SGCD: variants seen among roughly 807,000 people sequenced by gnomAD.
SGCD encodes sarcoglycan delta, also known as delta-sarcoglycan.
In SGCD, 18 loss-of-function variants were observed where a neutral mutation model predicts 36.6. That is an observed-to-expected ratio of 0.49 (90% CI 0.34 to 0.73). SGCD has a LOEUF of 0.73. Ranked by LOEUF, SGCD falls within the 30% of genes least tolerant of loss-of-function variation. The probability of loss-of-function intolerance (pLI) is 0.01; values close to 1 mark genes in which losing one functional copy is unlikely to be tolerated. For missense variants in SGCD, 387 were observed against 346.7 expected (o/e 1.12, Z -0.92); for synonymous variants, 133 against 130.6 (o/e 1.02, Z -0.12).
chr5:156,118,119 G>C (rs1166865665), intron 2 of SGCD, among the ~76,000 whole-genome samples: 1 of 152,134 alleles, frequency 6.6e-6, no homozygotes, highest in African/African-American at 2.4e-5. Flanking sequence ...CAAGTAAGGA[G>C]AGTGTAGTGA....
At chr5:156,151,332 A>G (rs1204333445) in intron 3 of SGCD, among the ~76,000 whole-genome samples, 1 of 151,676 alleles carries the variant, frequency 6.6e-6, no homozygotes, top group Admixed American at 6.6e-5. Context: ...CTGTGGGTAG[A>G]TATTATCTCT....
At chr5:155,767,763 C>A in the SGCD span, among the ~76,000 whole-genome samples, 22 of 152,158 alleles carry the variant, frequency 1.4e-4, no homozygotes, top group Non-Finnish European at 2.8e-4. Context: ...TGCTAGCTTG[C>A]TTCCTACTTT....
At chr5:156,421,606 AG>A (rs147563318) in intron 3 of SGCD, among the ~76,000 whole-genome samples, 1,765 of 152,104 alleles carry the variant, frequency 0.012, 18 homozygotes, top group Non-Finnish European at 0.018. Flanking sequence ...ATTATTTCAG[AG>A]GGGGAGAATG....
intron 4 of SGCD, among the ~76,000 whole-genome samples, chr5:156,541,686 C>T (rs1398232852): frequency 6.6e-6 from 1 of 152,092 alleles, no homozygotes; most frequent in African/African-American, 2.4e-5. Context: ...TTATGGAGAC[C>T]TTAAAGTGTG....
At chr5:156,339,120 A>G (rs759481740) in intron 2 of SGCD, among the ~76,000 whole-genome samples, 12 of 152,086 alleles carry the variant, frequency 7.9e-5, no homozygotes, top group Non-Finnish European at 1.5e-4. Context: ...TTTGACCACT[A>G]TTTAATTAAT....
chr5:155,944,384 G>A (rs887818921), intron 1 of SGCD, among the ~76,000 whole-genome samples: 11 of 152,124 alleles, frequency 7.2e-5, no homozygotes, highest in African/African-American at 2.7e-4. Flanking sequence ...ACAATGACTA[G>A]GCATGTGCTG....
At chr5:156,618,697 G>A (rs1172425250) in intron 6 of SGCD, among the ~76,000 whole-genome samples, 1 of 152,034 alleles carries the variant, frequency 6.6e-6, no homozygotes, top group African/African-American at 2.4e-5. Context: ...AAGCTACAGT[G>A]GTTCGGTTTT....
At chr5:156,496,819 G>T (rs946158695) in intron 3 of SGCD, among the ~76,000 whole-genome samples, 1 of 152,088 alleles carries the variant, frequency 6.6e-6, no homozygotes, top group African/African-American at 2.4e-5. Context: ...AATGGTGACT[G>T]CTTTGTCATC....
intron 6 of SGCD, among the ~76,000 whole-genome samples, chr5:156,640,552 C>G (rs756886512): frequency 1.3e-5 from 2 of 152,192 alleles, no homozygotes; most frequent in Non-Finnish European, 2.9e-5. Context: ...GTGCCATTCA[C>G]ATAATAGGTA....
At chr5:155,976,071 CA>C (rs1758107858) in intron 1 of SGCD, among the ~76,000 whole-genome samples, 1 of 152,020 alleles carries the variant, frequency 6.6e-6, no homozygotes, top group Admixed American at 6.6e-5. Context: ...ACATACAAAA[CA>C]GTACTATATA....
chr5:156,169,118 C>G (rs1442368145), intron 3 of SGCD, among the ~76,000 whole-genome samples: 5 of 152,226 alleles, frequency 3.3e-5, no homozygotes, highest in Admixed American at 3.3e-4. Flanking sequence ...AACATTAAAA[C>G]TAATTGCCCC....
intron 3 of SGCD, among the ~76,000 whole-genome samples, chr5:156,165,804 G>A (rs1457918018): frequency 6.6e-6 from 1 of 152,172 alleles, no homozygotes; most frequent in Non-Finnish European, 1.5e-5. Flanking sequence ...ATTGCTTTTG[G>A]TCTTAAGTAT....
At chr5:156,567,658 A>G (rs1269472479) in intron 4 of SGCD, among the ~76,000 whole-genome samples, 2 of 152,194 alleles carry the variant, frequency 1.3e-5, no homozygotes, top group Admixed American at 6.5e-5. Flanking sequence ...AGAGTCCACT[A>G]CTTTAGATGT....
At chr5:156,232,113 G>A (rs2127651825) in intron 3 of SGCD, among the ~76,000 whole-genome samples, 1 of 152,280 alleles carries the variant, frequency 6.6e-6, no homozygotes, top group Admixed American at 6.5e-5. Context: ...ACAAAGAGGA[G>A]AGCCAACACC....
chr5:155,927,275 C>A (rs1757011521), intron 1 of SGCD, among the ~76,000 whole-genome samples: 1 of 152,074 alleles, frequency 6.6e-6, no homozygotes, highest in Non-Finnish European at 1.5e-5. Context: ...TGAGCTATTA[C>A]CTGTGTTACA....
At chr5:156,282,929 C>T (rs573140107) in intron 3 of SGCD, among the ~76,000 whole-genome samples, 58 of 152,086 alleles carry the variant, frequency 3.8e-4, no homozygotes, top group South Asian at 1.5e-3. Context: ...GTAAAGAAAA[C>T]GCATTTTTGA....
chr5:156,354,396 A>C (rs1244649863), intron 3 of SGCD, among the ~76,000 whole-genome samples: 1 of 152,144 alleles, frequency 6.6e-6, no homozygotes, highest in East Asian at 1.9e-4. Flanking sequence ...GGGAAAGATG[A>C]GAATAGGAGC....
intron 3 of SGCD, among the ~76,000 whole-genome samples, chr5:156,221,527 C>T (rs1764714910): frequency 6.6e-6 from 1 of 151,782 alleles, no homozygotes; most frequent in South Asian, 2.1e-4. Context: ...ATAGCACCTA[C>T]CTTCTGGGTT....
the SGCD span, among the ~76,000 whole-genome samples, chr5:155,842,281 A>T: frequency 6.6e-6 from 1 of 151,334 alleles, no homozygotes; most frequent in African/African-American, 2.4e-5. Flanking sequence ...GCCAAAAAAA[A>T]GATAACTGAC....
Sources: allele counts gnomAD v4.1 joint callset (sites outside exome capture counted in the v4.1 genomes callset), GRCh38; gene constraint gnomAD v4.1.1; transcripts MANE v1.5; gene names NCBI Gene and HGNC (gene_info 2026-07-23, HGNC 2026-07-21).